The following DCAF5 variants were observed in gnomAD, a reference collection of about 807,000 sequenced individuals.
DCAF5 encodes DDB1 and CUL4 associated factor 5, also known as DDB1- and CUL4-associated factor 5.
Under a neutral mutation model 80.7 loss-of-function variants are expected in DCAF5, and 9 were observed. The ratio of observed to expected loss-of-function variants is 0.11; its 90% CI spans 0.07 to 0.19. The LOEUF is 0.19. Ranked by LOEUF, DCAF5 falls within the 10% of genes least tolerant of loss-of-function variation. DCAF5 has a pLI of 1.00. For missense variants in DCAF5, 842 were observed against 1,205.7 expected (o/e 0.70, Z 4.47); for synonymous variants, 433 against 461.9 (o/e 0.94, Z 0.80).
intron 7 of DCAF5, among the ~76,000 whole-genome samples, chr14:69,065,096 CTTTTTT>C (rs34005299): frequency 8.3e-6 from 1 of 120,330 alleles, no homozygotes; most frequent in Non-Finnish European, 1.6e-5. Flanking sequence ...AATATGACCT[CTTTTTT>C]TTTTTTTTTT....
At chr14:69,134,233 A>G (rs1305746704) in intron 1 of DCAF5, among the ~76,000 whole-genome samples, 3 of 152,206 alleles carry the variant, frequency 2.0e-5, no homozygotes, top group Admixed American at 2.0e-4. Flanking sequence ...AAAGTGTGGA[A>G]CATAGGCCAC....
chr14:69,144,855 G>C (rs1294974889), intron 1 of DCAF5, among the ~76,000 whole-genome samples: 1 of 152,068 alleles, frequency 6.6e-6, no homozygotes, highest in Non-Finnish European at 1.5e-5. Flanking sequence ...TTAGAGTCCC[G>C]ACAGCCAGAG....
intron 1 of DCAF5, among the ~76,000 whole-genome samples, chr14:69,125,131 T>C (rs2040836945): frequency 6.6e-6 from 1 of 152,192 alleles, no homozygotes; most frequent in African/African-American, 2.4e-5. Flanking sequence ...GTAAATATTC[T>C]ATAGCCCCGA....
At chr14:69,096,884 C>A (rs1174216601) in intron 5 of DCAF5, among the ~76,000 whole-genome samples, 1 of 151,396 alleles carries the variant, frequency 6.6e-6, no homozygotes, top group Non-Finnish European at 1.5e-5. Flanking sequence ...CCTCACAGTG[C>A]ATAAAACTGG....
intron 1 of DCAF5, among the ~76,000 whole-genome samples, chr14:69,133,209 T>C (rs1467829285): frequency 1.3e-5 from 2 of 152,194 alleles, no homozygotes; most frequent in East Asian, 3.8e-4. Flanking sequence ...GGTACACAGC[T>C]ACCAAGAGTC....
At chr14:69,104,880 CAG>C (rs2040083198) in intron 5 of DCAF5, among the ~76,000 whole-genome samples, 2 of 151,294 alleles carry the variant, frequency 1.3e-5, no homozygotes, top group Admixed American at 1.3e-4. Flanking sequence ...AAGTGAGAGA[CAG>C]GGGTACCTAC....
intron 5 of DCAF5, among the ~76,000 whole-genome samples, chr14:69,105,936 T>TAG (rs2040135684): frequency 1.0e-5 from 1 of 97,754 alleles, no homozygotes; most frequent in Non-Finnish European, 2.3e-5. Flanking sequence ...TATATATATA[T>TAG]ATATATATAT....
rs185123680 is a variant in DCAF5 at position 69,107,717 on chromosome 14, G to A, written c.665+8649C>T. ...ACACCTCCTCTAAGGATTTATTCCT[G>A]AGATACAACATTTGGATTCATGTCA... On this transcript the variant is annotated intron_variant, in intron 5 of 8. Transcript: ENST00000341516. 6.8e-3 allele frequency among the ~76,000 whole-genome samples: 1,042 copies of A among 152,246 alleles called. 17 individuals are homozygous for A. Among genetic ancestry groups the A allele is most frequent in the African/African-American group, 0.024 (988 of 41,550 alleles).
Position 69,055,490 on chromosome 14 carries a change from C to A in DCAF5, c.1196G>T (p.Gly399Val). The part of the protein sequence containing the change: ...YISLVLNSGS[G>V]LSHDYANQSV... ...CTGGTTGGCGTAGTCATGCGACAGG[C>A]CACTCCCACTGTTCAGCACAAGGCT... Residue 399 changes from glycine (G) to valine (V), a missense_variant, in exon 9 of 9, where the codon GGC (glycine) becomes GTC (valine). Coordinates refer to ENST00000341516, the MANE Select transcript of DCAF5 (RefSeq NM_003861.3). This position sits in a 1 kb window ranked among gnomAD's most constrained non-coding sequence, Gnocchi z 5.6. 15 of 1,614,196 alleles carry A rather than the reference C, an allele frequency of 9.3e-6. No homozygotes were observed. Among genetic ancestry groups the A allele is most frequent in the Non-Finnish European group, 1.3e-5 (15 of 1,180,044 alleles).
intron 6 of DCAF5, among the ~76,000 whole-genome samples, chr14:69,076,555 A>G (rs911159868): frequency 2.6e-5 from 4 of 152,212 alleles, no homozygotes; most frequent in Admixed American, 6.6e-5. Context: ...ATATTGTATG[A>G]CTCCATTTAT....
At chr14:69,064,960 C>A (rs1201037122) in intron 7 of DCAF5, among the ~76,000 whole-genome samples, 1 of 152,198 alleles carries the variant, frequency 6.6e-6, no homozygotes, top group Non-Finnish European at 1.5e-5. Flanking sequence ...TAAAGTGCAT[C>A]AACCAAACCA....
At position 69,051,040 on chromosome 14, in the gene DCAF5, A is replaced by G. The variant is rs1398314071; in HGVS notation, c.*2817T>C. 1 of 152,662 alleles carries G rather than the reference A, an allele frequency of 6.6e-6. No homozygotes were observed. The highest frequency in any genetic ancestry group is 1.9e-4 in the East Asian group (1 of 5,204). 9.5% of individuals were successfully genotyped at this position (152,662 alleles called of 1,614,324 possible). A position where few individuals can be genotyped will look rare whatever the true frequency, so the allele number is the denominator to read the frequency against. ...CTTGACAGACAAACAAGAGACTCTCAGCTTATTAAATCAAGCATAGTCACA... is the reference window on the plus strand; with the variant it reads ...CTTGACAGACAAACAAGAGACTCTCGGCTTATTAAATCAAGCATAGTCACA... On this transcript the variant is annotated 3_prime_UTR_variant, in exon 9 of 9. Coordinates refer to ENST00000341516, the MANE Select transcript of DCAF5 (RefSeq NM_003861.3).
intron 1 of DCAF5, among the ~76,000 whole-genome samples, chr14:69,151,565 C>A (rs1463272508): frequency 6.6e-6 from 1 of 152,186 alleles, no homozygotes; most frequent in Non-Finnish European, 1.5e-5. Flanking sequence ...AGGGCAGCAG[C>A]CAAGCAGGAA....
At chr14:69,103,440 A>T (rs2040032619) in intron 5 of DCAF5, among the ~76,000 whole-genome samples, 1 of 152,198 alleles carries the variant, frequency 6.6e-6, no homozygotes, top group Non-Finnish European at 1.5e-5. Context: ...TTTCTTTTGA[A>T]ATAATTATAG....
chr14:69,147,227 T>C lies in DCAF5; in HGVS notation c.214+5538A>G, dbSNP rs2041565934. Reference sequence around the variant, plus strand: ...GTACTGGTTAAGCTTATTCACAAAGTATTTTGAACAGTTCACCTCATGGAG... The same window carrying C: ...GTACTGGTTAAGCTTATTCACAAAGCATTTTGAACAGTTCACCTCATGGAG... On this transcript the variant is annotated intron_variant, in intron 1 of 8. Transcript: ENST00000341516. 3.9e-5 allele frequency among the ~76,000 whole-genome samples: 6 copies of C among 152,354 alleles called. No homozygotes were observed. In the South Asian group the frequency reaches 1.2e-3, roughly 32 times the overall value.
At chr14:69,087,113 C>A (rs1039583198) in intron 6 of DCAF5, among the ~76,000 whole-genome samples, 3 of 152,170 alleles carry the variant, frequency 2.0e-5, no homozygotes, top group Admixed American at 2.0e-4. Context: ...GAAGCCTGAG[C>A]CATTCTATTG....
In DCAF5 at chr14:69,152,814, A is replaced by G; in HGVS notation, c.165T>C (p.Cys55=). 6.2e-7 allele frequency: 1 copy of G among 1,614,076 alleles called. No individual in the cohort carries two copies. Among genetic ancestry groups the G allele is most frequent in the Non-Finnish European group, 8.5e-7 (1 of 1,179,978 alleles). The change falls in exon 1 of 9, where the codon TGT becomes TGC. Residue 55 remains cysteine, a synonymous_variant. Transcript: ENST00000341516. This position sits in a 1 kb window ranked among gnomAD's most constrained non-coding sequence, Gnocchi z 4.1. ...TGTTGGAGAATTCAATGGCATTGAC[A>G]CAGCCGAAGTGGCCGAGGAGGTCCT... is the stretch of plus-strand genomic sequence containing the variant. The part of the protein sequence containing the change: ...YKKDLLGHFG[C]VNAIEFSNNG...
At chr14:69,076,546 T>A (rs2038906352) in intron 6 of DCAF5, among the ~76,000 whole-genome samples, 1 of 152,222 alleles carries the variant, frequency 6.6e-6, no homozygotes, top group Non-Finnish European at 1.5e-5. Context: ...AAAAGACAGA[T>A]ATTGTATGAC....
intron 7 of DCAF5, among the ~76,000 whole-genome samples, chr14:69,065,304 C>T (rs1279301489): frequency 2.6e-5 from 4 of 152,230 alleles, no homozygotes; most frequent in South Asian, 4.1e-4. Flanking sequence ...ACCATCTTAG[C>T]CAGGCTGGCC....
Sources: gnomAD v4.1 joint callset for allele counts (sites outside exome capture counted in the v4.1 genomes callset) on GRCh38, gnomAD v4.1.1 for gene constraint, Gnocchi (gnomAD v3.1) non-coding constraint, MANE v1.5 for transcripts, NCBI Gene and HGNC (gene_info 2026-07-23, HGNC 2026-07-21) for gene names.